The following PCDHA13 variants were observed in gnomAD, a reference collection of about 807,000 sequenced individuals.
The protein encoded by PCDHA13 is protocadherin alpha-13.
Under a neutral mutation model 64.8 loss-of-function variants are expected in PCDHA13, and 54 were observed. That is an observed-to-expected ratio of 0.83 (90% confidence interval 0.67 to 1.04). The LOEUF (loss-of-function observed/expected upper bound fraction) is 1.04. Among genes scored for constraint, PCDHA13 ranks in the 50% least tolerant of loss-of-function variants. The pLI, the probability that PCDHA13 is intolerant of heterozygous loss-of-function variation, is 0.00. For missense variants in PCDHA13, 1,248 were observed against 1,254.3 expected, an observed-to-expected ratio of 0.99 and a Z score of 0.08; for synonymous variants, 587 against 564.4, an observed-to-expected ratio of 1.04 and a Z score of -0.57.
chr5:140,972,820 C>T (rs1247488574), intron 1 of PCDHA13, among the ~76,000 whole-genome samples: 1 of 151,962 alleles, frequency 6.6e-6, no homozygotes, highest in Non-Finnish European at 1.5e-5. Context: ...CGCGCCACCA[C>T]GCCTGGCTAA....
At chr5:140,941,194 TCTTTCTTCCTTTCTTTCTTCC>T (rs1563183817) in intron 1 of PCDHA13, among the ~76,000 whole-genome samples, 5 of 112,350 alleles carry the variant, frequency 4.5e-5, no homozygotes, top group Admixed American at 9.1e-5. Flanking sequence ...TCTTTTTTTT[TCTTTCTTCCTTTCTTTCTTCC>T]TTTCTTTCTT....
chr5:140,908,405 C>T (rs2073952752), intron 1 of PCDHA13, among the ~76,000 whole-genome samples: 1 of 152,150 alleles, frequency 6.6e-6, no homozygotes, highest in Non-Finnish European at 1.5e-5. Flanking sequence ...ATACCACTTC[C>T]ATTTGATGAT....
chr5:140,969,389 A>G (rs1554231753), intron 1 of PCDHA13: 8 of 1,592,478 alleles, frequency 5.0e-6, no homozygotes, highest in Admixed American at 1.8e-5. Context: ...ACATCCCCCA[A>G]TATCCTGTGA....
chr5:140,883,782 C>T lies in PCDHA13; in HGVS notation c.1514C>T (p.Ser505Leu), dbSNP rs1434451644. 1 of 1,612,468 alleles carries T rather than the reference C, an allele frequency of 6.2e-7. No homozygotes were observed. Among genetic ancestry groups the T allele is most frequent in the African/African-American group, 1.3e-5 (1 of 74,998 alleles). The change falls in exon 1 of 4, where the codon TCG (serine) becomes TTG (leucine). Residue 505 changes from serine (S) to leucine (L), a missense_variant. Coordinates refer to ENST00000289272, the MANE Select transcript of PCDHA13 (RefSeq NM_018904.3). ...CGGCGGGTGGGCGAGCGTGCGCTGT[C>T]GAGCTACGTGTCGGTGCACGCGGAG... ...VERRVGERAL[S>L]SYVSVHAESG... is the part of the protein sequence containing the mutation.
intron 1 of PCDHA13, among the ~76,000 whole-genome samples, chr5:140,922,137 T>A (rs1235551628): frequency 2.0e-5 from 3 of 151,994 alleles, no homozygotes; most frequent in African/African-American, 7.3e-5. Context: ...TCTCTTATCC[T>A]CCATGAAACT....
At chr5:140,906,750 T>C (rs782209238) in intron 1 of PCDHA13, among the ~76,000 whole-genome samples, 2 of 152,216 alleles carry the variant, frequency 1.3e-5, no homozygotes, top group Non-Finnish European at 2.9e-5. Flanking sequence ...ACACAGGGCA[T>C]GGTAATACTA....
chr5:140,935,501 A>G (rs1337847677), intron 1 of PCDHA13, among the ~76,000 whole-genome samples: 1 of 152,250 alleles, frequency 6.6e-6, no homozygotes, highest in East Asian at 1.9e-4. Context: ...GCACATCCTT[A>G]CAAATGCCCA....
In PCDHA13 at chr5:140,884,465, G is replaced by C. The variant is rs782791774; in HGVS notation, c.2197G>C (p.Ala733Pro). ...GGCACCGCCCACCGAGGGCGCGTGCGCGCCGGGCAAGCCCACTCTAGTGTG... is the reference window on the plus strand; with the variant it reads ...GGCACCGCCCACCGAGGGCGCGTGCCCGCCGGGCAAGCCCACTCTAGTGTG... ...CSAPPTEGAC[A>P]PGKPTLVCSS... Residue 733 changes from alanine to proline, a missense_variant, in exon 1 of 4, where the codon GCG (alanine) becomes CCG (proline). Ala to Pro is a conservative substitution (Grantham distance 27, BLOSUM62 -1). Transcript: ENST00000289272. 1.2e-6 allele frequency: 2 copies of C among 1,613,634 alleles called. No homozygotes were observed. The highest frequency in any genetic ancestry group is 3.3e-5 in the Admixed American group (2 of 59,984).
intron 1 of PCDHA13, among the ~76,000 whole-genome samples, chr5:140,904,227 C>T (rs1373458999): frequency 5.9e-5 from 9 of 151,978 alleles, no homozygotes; most frequent in African/African-American, 2.2e-4. Context: ...TTGTATTATA[C>T]TTATGCCTTT....
chr5:140,961,887 G>GTT (rs35680913), intron 1 of PCDHA13, among the ~76,000 whole-genome samples: 78 of 143,932 alleles, frequency 5.4e-4, no homozygotes, highest in African/African-American at 1.2e-3. Flanking sequence ...ACTTACATCA[G>GTT]TTTTTTTTTT....
At position 140,884,499 on chromosome 5, in the gene PCDHA13, C is replaced by T. The variant is rs782667822; in HGVS notation, c.2231C>T (p.Ala744Val). The change falls in exon 1 of 4, where the codon GCG becomes GTG. Residue 744 changes from alanine (A) to valine (V), a missense_variant. Transcript: ENST00000289272. ...AAGCCCACTCTAGTGTGCTCCAGCG[C>T]GGCAGGGAGTTGGTCGTACTCGCAG... ...PGKPTLVCSSAAGSWSYSQQR... is the reference protein window; with the variant it reads ...PGKPTLVCSSVAGSWSYSQQR... 6.2e-7 allele frequency: 1 copy of T among 1,614,062 alleles called. No homozygotes were observed. The highest frequency in any genetic ancestry group is 1.1e-5 in the South Asian group (1 of 91,074).
chr5:140,953,601 C>T (rs1448878513), intron 1 of PCDHA13, among the ~76,000 whole-genome samples: 3 of 152,014 alleles, frequency 2.0e-5, no homozygotes, highest in Non-Finnish European at 4.4e-5. Flanking sequence ...TTGTTTATTC[C>T]CCAGAGTCCT....
intron 1 of PCDHA13, among the ~76,000 whole-genome samples, chr5:140,932,550 A>T (rs552367725): frequency 2.6e-5 from 4 of 152,058 alleles, no homozygotes; most frequent in Admixed American, 2.0e-4. Context: ...TTTAACATAC[A>T]TTCCACAAGT....
At chr5:140,905,135 T>A (rs2071619691) in intron 1 of PCDHA13, among the ~76,000 whole-genome samples, 1 of 152,208 alleles carries the variant, frequency 6.6e-6, no homozygotes, top group Non-Finnish European at 1.5e-5. Context: ...GAAGAGTTTT[T>A]CTGCTGTTAT....
In PCDHA13 at chr5:140,882,161, T is replaced by C. The variant is rs1235221234; in HGVS notation, c.-108T>C. The stretch of plus-strand genomic sequence containing the variant: ...AATATAGCAGAAAGCGGAATACCTC[T>C]TGCGAATCCTTCCGCACTAGGAAGC... On this transcript the variant is annotated 5_prime_UTR_variant, in exon 1 of 4. Transcript: ENST00000289272. The C allele has an allele frequency of 6.6e-7, 1 of 1,509,194 alleles. No individual in the cohort carries two copies. The highest frequency in any genetic ancestry group is 1.4e-5 in the African/African-American group (1 of 71,542). The allele number at this position is 1,509,194 out of a possible 1,614,324, so 93.5% of individuals were successfully genotyped here.
chr5:140,908,442 T>A (rs2073975632), intron 1 of PCDHA13, among the ~76,000 whole-genome samples: 1 of 152,160 alleles, frequency 6.6e-6, no homozygotes, highest in Non-Finnish European at 1.5e-5. Flanking sequence ...CACCCCACTT[T>A]ATGGCTAGAT....
At chr5:140,894,505 C>T (rs1054272448) in intron 1 of PCDHA13, among the ~76,000 whole-genome samples, 9 of 151,570 alleles carry the variant, frequency 5.9e-5, no homozygotes, top group Non-Finnish European at 2.9e-5. Context: ...AGGCATTATC[C>T]ATAGTGTTTA....
intron 1 of PCDHA13, among the ~76,000 whole-genome samples, chr5:140,933,506 G>A (rs2089196836): frequency 6.6e-6 from 1 of 151,944 alleles, no homozygotes; most frequent in Non-Finnish European, 1.5e-5. Flanking sequence ...GTTAAGCAAA[G>A]ACTACAGCTG....
chr5:140,968,068 C>T (rs1554230278), intron 1 of PCDHA13: 1 of 1,614,024 alleles, frequency 6.2e-7, no homozygotes, highest in East Asian at 2.2e-5. Context: ...GGGTGGCTGT[C>T]TACAACATCA....
Sources: gnomAD v4.1 joint callset for allele counts (sites outside exome capture counted in the v4.1 genomes callset) on GRCh38, gnomAD v4.1.1 for gene constraint, MANE v1.5 for transcripts, NCBI Gene and HGNC (gene_info 2026-07-23, HGNC 2026-07-21) for gene names.